CTSB: variants seen among roughly 807,000 people sequenced by gnomAD.
The protein encoded by CTSB is cathepsin B.
In CTSB, 57 loss-of-function variants were observed where a neutral mutation model predicts 44.3. The ratio of observed to expected loss-of-function variants is 1.29; its 90% confidence interval spans 1.04 to 1.60. The LOEUF is 1.60. CTSB is among the 40% of genes most tolerant of loss of function. The pLI, the probability that CTSB is intolerant of heterozygous loss-of-function variation, is 0.00. For synonymous variants in CTSB, 320 were observed against 168.0 expected, an observed-to-expected ratio of 1.91 and a Z score of -7.00; for missense variants, 768 against 443.0, an observed-to-expected ratio of 1.73 and a Z score of -6.59.
intron 1 of CTSB, among the ~76,000 whole-genome samples, chr8:11,855,141 G>C (rs1319177967): frequency 6.6e-6 from 1 of 152,154 alleles, no homozygotes; most frequent in Non-Finnish European, 1.5e-5. Flanking sequence ...TCCTACCTCA[G>C]CTTCCCGAGC....
At chr8:11,850,523 T>C (rs1357715824) in intron 4 of CTSB, 2 of 180,984 alleles carry the variant, frequency 1.1e-5, no homozygotes, top group African/African-American at 4.7e-5. Context: ...AATGACAAAA[T>C]TAAGACAGCT....
At position 11,853,435 on chromosome 8, in the gene CTSB, G is replaced by T; in HGVS notation, c.20C>A (p.Ser7Tyr). Residue 7 changes from serine to tyrosine, a missense_variant, in exon 2 of 10, where the codon TCC becomes TAC. Transcript: ENST00000353047. The stretch of plus-strand genomic sequence containing the variant: ...GGCCAACACCAGCAGGCAGCAGAGG[G>T]AGGCCCAGAGCTGCCACATGTTGGA... MWQLWASLCCLLVLANA... is the reference protein window; with the variant it reads MWQLWAYLCCLLVLANA... 1 of 1,612,212 alleles carries T rather than the reference G, an allele frequency of 6.2e-7. No homozygotes were observed.
At chr8:11,853,214 C>T (rs922397298) in intron 2 of CTSB, 115 bp downstream of exon 2, 1 of 1,420,346 alleles carries the variant, frequency 7.0e-7, no homozygotes, top group East Asian at 2.3e-5. Context: ...CATTTTTCAA[C>T]AGTCCAGGAC....
chr8:11,852,417 G>A (rs576100057), intron 3 of CTSB, among the ~76,000 whole-genome samples, 193 bp downstream of exon 3: 49 of 152,184 alleles, frequency 3.2e-4, no homozygotes, highest in East Asian at 1.2e-3. Flanking sequence ...AACTTGAGAA[G>A]GAAAAAATAA....
At chr8:11,847,587 C>G in intron 7 of CTSB, 92 bp downstream of exon 7, 1 of 1,405,988 alleles carries the variant, frequency 7.1e-7, no homozygotes, top group African/African-American at 1.5e-5. Flanking sequence ...CCCCAAGGCT[C>G]CTCAGCCCTG....
chr8:11,859,764 T>C (rs1307998586), intron 1 of CTSB, among the ~76,000 whole-genome samples: 1 of 56,778 alleles, frequency 1.8e-5, no homozygotes, highest in Non-Finnish European at 3.0e-5. Flanking sequence ...CGAGACTCTG[T>C]CTCAAAAAAA....
rs187959936 is a variant in CTSB, at chr8:11,848,852, G to T, written c.446+194C>A. 594 of 515,358 alleles carry T rather than the reference G, an allele frequency of 1.2e-3. 3 individuals carry two copies. Among genetic ancestry groups the T allele is most frequent in the Non-Finnish European group, 9.8e-4 (277 of 281,756 alleles). 31.9% of individuals were successfully genotyped at this position (515,358 alleles called of 1,614,324 possible). A position where few individuals can be genotyped will look rare whatever the true frequency, so the allele number is the denominator to read the frequency against. ...ATGCCACCCCTCAGACAGCTCTGCC[G>T]GGCCAGCCTTGGTTCAGGCACCTCC... On this transcript the variant is annotated intron_variant, in intron 5 of 9. Coordinates refer to ENST00000353047, the MANE Select transcript of CTSB (RefSeq NM_001908.5).
Position 11,858,604 on chromosome 8 carries a change from C to G in CTSB, c.-25-5125G>C, listed in dbSNP as rs1406315248. ...CATGCCCAGTAAAACAAGCTCTTAACTTCAATTAACCCCAGCATTTAACAT... is the reference window on the plus strand; with the variant it reads ...CATGCCCAGTAAAACAAGCTCTTAAGTTCAATTAACCCCAGCATTTAACAT... On this transcript the variant is annotated intron_variant, in intron 1 of 9. Transcript: ENST00000353047. 2.0e-5 allele frequency among the ~76,000 whole-genome samples: 3 copies of G among 152,204 alleles called. No homozygotes were observed. In the East Asian group the frequency reaches 5.8e-4, roughly 29 times the overall value.
In CTSB at chr8:11,850,976, T is replaced by C. The variant is rs1370976632; in HGVS notation, c.217A>G (p.Met73Val). The change falls in exon 4 of 10, where the codon ATG becomes GTG. Residue 73 changes from methionine to valine, a missense_variant. By Grantham distance (21) the Met-to-Val change is conservative. Transcript: ENST00000353047. The stretch of plus-strand genomic sequence containing the variant: ...GGCAGCTTCAGGTCCTCGGTAAACA[T>C]AACTCTGGATAAAGGAAGGTCTTCA... ...LGGPKPPQRV[M>V]FTEDLKLPAS... is the part of the protein sequence containing the mutation. 2.5e-6 allele frequency: 4 copies of C among 1,609,686 alleles called. No homozygotes were observed. The highest frequency in any genetic ancestry group is 2.7e-5 in the African/African-American group (2 of 74,794).
chr8:11,852,555 C>T (rs778294297), intron 3 of CTSB, 55 bp downstream of exon 3: 84 of 1,488,848 alleles, frequency 5.6e-5, no homozygotes, highest in Non-Finnish European at 7.6e-5. Flanking sequence ...TTCCCACTGC[C>T]CCAAACCAAC....
At chr8:11,847,608 T>C in intron 7 of CTSB, 71 bp downstream of exon 7, 1 of 1,478,224 alleles carries the variant, frequency 6.8e-7, no homozygotes, top group Non-Finnish European at 9.0e-7. Context: ...ACCTCTTCGC[T>C]GCAGCGTGAG....
At chr8:11,846,871 C>T (rs1813461117) in intron 8 of CTSB, among the ~76,000 whole-genome samples, 181 bp downstream of exon 8, 1 of 152,054 alleles carries the variant, frequency 6.6e-6, no homozygotes, top group Admixed American at 6.5e-5. Flanking sequence ...TGGACAAAGA[C>T]AGTCAGGTGC....
Position 11,852,612 on chromosome 8 carries a change from C to T in CTSB, c.210G>A (p.Gln70=). 1 of 1,613,280 alleles carries T rather than the reference C, an allele frequency of 6.2e-7. No individual in the cohort carries two copies. Among genetic ancestry groups the T allele is most frequent in the Non-Finnish European group, 8.5e-7 (1 of 1,179,656 alleles). The stretch of plus-strand genomic sequence containing the variant: ...GGTGCAGAGGAGCAGGCACTCACCT[C>T]TGGGGTGGCTTGGGCCCACCCAGGA... The part of the protein sequence containing the change: ...GTFLGGPKPP[Q]RVMFTEDLKL... Residue 70 remains glutamine (Q), a splice_region_variant and synonymous_variant, in exon 3 of 10, where the codon CAG becomes CAA. Transcript: ENST00000353047.
rs1814796475 is a variant in CTSB, at chr8:11,852,633, C to A, written c.189G>T (p.Leu63=). The part of the protein sequence containing the change: ...SYLKRLCGTF[L]GGPKPPQRVM... ...ACCTCTGGGGTGGCTTGGGCCCACC[C>A]AGGAAGGTACCACATAGCCTCTTCA... The change falls in exon 3 of 10, where the codon CTG becomes CTT. Residue 63 remains leucine, a synonymous_variant. Coordinates refer to ENST00000353047, the MANE Select transcript of CTSB (RefSeq NM_001908.5). The A allele has an allele frequency of 1.9e-6, 3 of 1,613,834 alleles. No individual in the cohort carries two copies. Among genetic ancestry groups the A allele is most frequent in the Middle Eastern group, 1.6e-4 (1 of 6,084 alleles).
intron 5 of CTSB, chr8:11,848,721 G>T: frequency 3.3e-6 from 1 of 304,850 alleles, no homozygotes; most frequent in South Asian, 3.3e-5. Context: ...ATAAGGAAAT[G>T]CCCCAAACTG....
intron 6 of CTSB, 66 bp downstream of exon 6, chr8:11,848,001 A>C: frequency 2.1e-6 from 3 of 1,426,544 alleles, no homozygotes; most frequent in Non-Finnish European, 1.9e-6. Context: ...AAGGCAAATA[A>C]AGCCATGATG....
intron 1 of CTSB, among the ~76,000 whole-genome samples, chr8:11,855,954 G>T (rs1364932069): frequency 6.6e-6 from 1 of 152,168 alleles, no homozygotes; most frequent in African/African-American, 2.4e-5. Flanking sequence ...CTTGAACCCA[G>T]GAGGTGGAGA....
chr8:11,851,112 A>G (rs904703553), intron 3 of CTSB, 132 bp from the exon 4 acceptor site: 5 of 475,238 alleles, frequency 1.1e-5, no homozygotes, highest in Non-Finnish European at 2.0e-5. Context: ...AGAAGGCTGC[A>G]GACAGGTGTC....
intron 1 of CTSB, among the ~76,000 whole-genome samples, chr8:11,854,317 CCACAGGT>C (rs936446287): frequency 3.3e-5 from 5 of 152,118 alleles, no homozygotes; most frequent in Admixed American, 1.3e-4. Flanking sequence ...GTTCTACCTC[CCACAGGT>C]CACAGGTCGT....
Sources: allele counts gnomAD v4.1 joint callset (sites outside exome capture counted in the v4.1 genomes callset), GRCh38; gene constraint gnomAD v4.1.1; transcripts MANE v1.5; gene names NCBI Gene and HGNC (gene_info 2026-07-23, HGNC 2026-07-21).